Variants in FARP1 observed in about 807,000 individuals in gnomAD.
The protein encoded by FARP1 is FERM, ARH/RhoGEF and pleckstrin domain protein 1.
A neutral mutation model predicts 128.8 loss-of-function variants in FARP1; 52 were observed. That is an observed-to-expected ratio of 0.40 (90% CI 0.32 to 0.51). The LOEUF (loss-of-function observed/expected upper bound fraction) is 0.51. Ranked by LOEUF, FARP1 falls within the 20% of genes least tolerant of loss-of-function variation. The pLI is 0.45. For synonymous variants in FARP1, 580 were observed against 551.8 expected (o/e 1.05, Z -0.72); for missense variants, 1,333 against 1,367.9 (o/e 0.97, Z 0.40).
Position 98,389,959 on chromosome 13 carries a change from T to C in FARP1, c.858T>C (p.Ser286=), listed in dbSNP as rs1348027380. 3 of 1,614,060 alleles carry C rather than the reference T, an allele frequency of 1.9e-6. No homozygotes were observed. Among genetic ancestry groups the C allele is most frequent in the Non-Finnish European group, 2.5e-6 (3 of 1,179,994 alleles). ...ACCGTTGTATTTTCCCTTTTTAGAG[T>C]GCGTACCAGGATACCTTGGAATTCC... The part of the protein sequence containing the change: ...FLIKLRPDAN[S]AYQDTLEFLM... Residue 286 remains serine, a splice_region_variant and synonymous_variant, in exon 10 of 27, where the codon AGT becomes AGC. Transcript: ENST00000319562.
chr13:98,294,726 T>G (rs1389710300), intron 2 of FARP1, among the ~76,000 whole-genome samples: 2 of 152,122 alleles, frequency 1.3e-5, no homozygotes, highest in Admixed American at 1.3e-4. Flanking sequence ...AAAATATGTA[T>G]GTCCCCAAGG....
chr13:98,336,138 G>A (rs189102395), intron 2 of FARP1, among the ~76,000 whole-genome samples: 1 of 152,290 alleles, frequency 6.6e-6, no homozygotes, highest in African/African-American at 2.4e-5. Flanking sequence ...CCTATAGAAG[G>A]AATGGTGTCT....
chr13:98,309,608 G>C (rs1199746026), intron 2 of FARP1, among the ~76,000 whole-genome samples: 1 of 152,208 alleles, frequency 6.6e-6, no homozygotes, highest in African/African-American at 2.4e-5. Flanking sequence ...TGCGAGATGG[G>C]AGACTTCCAT....
rs548957796 is a variant in FARP1, at chr13:98,453,350, G to A, written c.*5033G>A. On this transcript the variant is annotated 3_prime_UTR_variant, in exon 27 of 27. Coordinates refer to ENST00000319562, the MANE Select transcript of FARP1 (RefSeq NM_005766.4). ...AAGTGGAGCAAATATCAATGTGTAA[G>A]TCTAATTTTAAAAGAATGCATATAA... is the stretch of plus-strand genomic sequence containing the variant. 7.2e-5 allele frequency: 59 copies of A among 820,000 alleles called. No individual in the cohort carries two copies. Among genetic ancestry groups the A allele is most frequent in the Non-Finnish European group, 1.1e-4 (56 of 518,910 alleles). 50.8% of individuals were successfully genotyped at this position (820,000 alleles called of 1,614,324 possible). A position where few individuals can be genotyped will look rare whatever the true frequency, so the allele number is the denominator to read the frequency against.
At chr13:98,390,208 G>A (rs1190550537) in intron 10 of FARP1, 88 bp downstream of exon 10, 1 of 1,419,190 alleles carries the variant, frequency 7.0e-7, no homozygotes, top group Admixed American at 2.0e-5. Context: ...GCAGGTCAGG[G>A]AGGTGAACGC....
intron 1 of FARP1, among the ~76,000 whole-genome samples, chr13:98,150,238 C>T (rs544987465): frequency 2.6e-4 from 39 of 152,070 alleles, no homozygotes; most frequent in Non-Finnish European, 5.6e-4. Flanking sequence ...ACCATGTTGG[C>T]CAAGCTGGTC....
Position 98,377,924 on chromosome 13 carries a change from T to A in FARP1, c.496+6T>A, listed in dbSNP as rs373680331. The A allele has an allele frequency of 7.6e-6, 12 of 1,586,182 alleles. No homozygotes were observed. The highest frequency in any genetic ancestry group is 8.7e-6 in the Non-Finnish European group (10 of 1,154,994). ...GATTTCACACATTGTGCAATGTAAG[T>A]TCTATTGGTTTCCTTTGAAAATCAT... is the stretch of plus-strand genomic sequence containing the variant. On this transcript the variant is annotated splice_donor_region_variant and intron_variant, in intron 6 of 26. Coordinates refer to ENST00000319562, the MANE Select transcript of FARP1 (RefSeq NM_005766.4).
intron 2 of FARP1, among the ~76,000 whole-genome samples, chr13:98,319,640 C>T (rs548777981): frequency 2.6e-5 from 4 of 152,272 alleles, no homozygotes; most frequent in African/African-American, 9.6e-5. Context: ...GAGTTCACAG[C>T]CTCCATTTAT....
At chr13:98,312,870 G>A (rs923496778) in intron 2 of FARP1, among the ~76,000 whole-genome samples, 2 of 152,038 alleles carry the variant, frequency 1.3e-5, no homozygotes, top group Non-Finnish European at 2.9e-5. Context: ...TTTACAGTGC[G>A]GCTTCTGACT....
At chr13:98,405,782 T>C (rs1890947825) in intron 13 of FARP1, 1 of 152,188 alleles carries the variant, frequency 6.6e-6, no homozygotes, top group Admixed American at 6.5e-5. Context: ...CTAATGAAAT[T>C]ACTTTGCATT....
chr13:98,243,696 CAA>C (rs61020922), intron 2 of FARP1, among the ~76,000 whole-genome samples: 16 of 64,884 alleles, frequency 2.5e-4, no homozygotes, highest in Middle Eastern at 8.1e-3. Flanking sequence ...GACTCCATCT[CAA>C]AAAAAAAAAA....
intron 16 of FARP1, among the ~76,000 whole-genome samples, chr13:98,418,282 G>T (rs566300955): frequency 0.011 from 1,550 of 141,348 alleles, 18 homozygotes; most frequent in African/African-American, 0.036. Context: ...TTTGTTTTTT[G>T]TTTTTTTTTT....
At chr13:98,146,362 G>A (rs1484369061) in intron 1 of FARP1, among the ~76,000 whole-genome samples, 1 of 152,172 alleles carries the variant, frequency 6.6e-6, no homozygotes, top group East Asian at 1.9e-4. Flanking sequence ...CCCAGTAGCT[G>A]GGATTACAGG....
chr13:98,391,737 T>G (rs577049290), intron 11 of FARP1, among the ~76,000 whole-genome samples: 44 of 152,276 alleles, frequency 2.9e-4, no homozygotes, highest in African/African-American at 9.6e-4. Flanking sequence ...ATGGAGATAC[T>G]GAGTCCCCAG....
chr13:98,170,064 A>G (rs563687898), intron 1 of FARP1, among the ~76,000 whole-genome samples: 1 of 152,252 alleles, frequency 6.6e-6, no homozygotes, highest in East Asian at 1.9e-4. Flanking sequence ...CATATTATCA[A>G]TTTTGGGGAG....
chr13:98,428,893 C>T (rs74377930), intron 17 of FARP1, among the ~76,000 whole-genome samples: 11,690 of 152,318 alleles, frequency 0.077, 508 homozygotes, highest in Non-Finnish European at 0.092. Context: ...GTGATAGCAT[C>T]GCACAGAGCG....
intron 2 of FARP1, among the ~76,000 whole-genome samples, chr13:98,230,006 A>G (rs1389714373): frequency 6.6e-6 from 1 of 152,198 alleles, no homozygotes; most frequent in Non-Finnish European, 1.5e-5. Context: ...GATGGTATAA[A>G]CGACATTTCC....
At chr13:98,284,878 C>T (rs950201269) in intron 2 of FARP1, among the ~76,000 whole-genome samples, 21 of 152,148 alleles carry the variant, frequency 1.4e-4, no homozygotes, top group African/African-American at 4.8e-4. Flanking sequence ...AGGCACACTT[C>T]TTGCTAGTTC....
At chr13:98,171,035 G>A (rs1309173617) in intron 1 of FARP1, among the ~76,000 whole-genome samples, 2 of 152,154 alleles carry the variant, frequency 1.3e-5, no homozygotes, top group African/African-American at 4.8e-5. Flanking sequence ...TCATTGAGAT[G>A]GTCCTGAGAA....
Sources: allele counts gnomAD v4.1 joint callset (sites outside exome capture counted in the v4.1 genomes callset), GRCh38; gene constraint gnomAD v4.1.1; transcripts MANE v1.5; gene names NCBI Gene and HGNC (gene_info 2026-07-23, HGNC 2026-07-21).